KLHDC7B: variants seen among roughly 807,000 people sequenced by gnomAD.
KLHDC7B encodes the protein kelch domain containing 7B, also known as kelch domain-containing protein 7B.
In KLHDC7B, 1 loss-of-function variant was observed where a neutral mutation model predicts 0.6. That is an observed-to-expected ratio of 1.71 (90% CI 0.61 to 8.11). KLHDC7B has a LOEUF of 8.11. Among genes scored for constraint, KLHDC7B ranks in the 30% most tolerant of loss-of-function variants. KLHDC7B has a pLI of 0.13. For synonymous variants in KLHDC7B, 462 were observed against 405.2 expected, an observed-to-expected ratio of 1.14 and a Z score of -1.68; for missense variants, 993 against 894.9, an observed-to-expected ratio of 1.11 and a Z score of -1.40.
Position 50,547,418 on chromosome 22 carries a change from C to T in KLHDC7B, c.1175C>T (p.Thr392Ile), listed in dbSNP as rs2069743025. 7 of 366,538 alleles carry T rather than the reference C, an allele frequency of 1.9e-5. 1 individual carries two copies. In the East Asian group the frequency reaches 2.0e-4, roughly 10 times the overall value. The allele number at this position is 366,538 out of a possible 1,614,324, so 22.7% of individuals were successfully genotyped here. A position where few individuals can be genotyped will look rare whatever the true frequency, so the allele number is the denominator to read the frequency against. Residue 392 changes from threonine (T) to isoleucine (I), a missense_variant, in exon 1 of 1, where the codon ACC (threonine) becomes ATC (isoleucine). Thr to Ile is a moderately conservative substitution (Grantham distance 89, BLOSUM62 -1). Transcript: ENST00000648057. ...AGTCCTGCCGCTGACCTGGGGCCCA[C>T]CCGGCCCCCGGAGCAAGCAAAGCCG... ...DNSPAADLGPTRPPEQAKPAA... is the reference protein window; with the variant it reads ...DNSPAADLGPIRPPEQAKPAA...
At position 50,548,225 on chromosome 22, in the gene KLHDC7B, G is replaced by A; in HGVS notation, c.1982G>A (p.Arg661Lys). 1 of 1,550,228 alleles carries A rather than the reference G, an allele frequency of 6.5e-7. No individual in the cohort carries two copies. The highest frequency in any genetic ancestry group is 1.2e-5 in the South Asian group (1 of 83,986). Reference protein sequence around the residue: ...RQDRPQGSVPRAVPGSPVGPS... With the variant: ...RQDRPQGSVPKAVPGSPVGPS... ...GACAGGCCCCAAGGGAGTGTCCCGAGGGCGGTTCCCGGGAGCCCCGTGGGT... is the reference window on the plus strand; with the variant it reads ...GACAGGCCCCAAGGGAGTGTCCCGAAGGCGGTTCCCGGGAGCCCCGTGGGT... The change falls in exon 1 of 1, where the codon AGG (arginine) becomes AAG (lysine). Residue 661 changes from arginine (R) to lysine (K), a missense_variant. Transcript: ENST00000648057. The surrounding 1 kb of genome is among the most constrained non-coding windows in gnomAD (Gnocchi z 5.3).
Position 50,548,842 on chromosome 22 carries a change from G to T in KLHDC7B, c.2599G>T (p.Val867Leu), listed in dbSNP as rs370199240. 9.1e-6 allele frequency: 14 copies of T among 1,546,862 alleles called. No homozygotes were observed. The highest frequency in any genetic ancestry group is 6.9e-5 in the African/African-American group (5 of 72,180). ...GCTGGACCTGGGCAGTTGCCTGGAC[G>T]TGCTGGCCTTTGCCCAGCAGCACGG... ...RRLDLGSCLD[V>L]LAFAQQHGEP... The change falls in exon 1 of 1, where the codon GTG (valine) becomes TTG (leucine). Residue 867 changes from valine to leucine, a missense_variant. Transcript: ENST00000648057. This position sits in a 1 kb window ranked among gnomAD's most constrained non-coding sequence, Gnocchi z 5.3.
Position 50,546,923 on chromosome 22 carries a change from G to T in KLHDC7B, c.680G>T (p.Gly227Val), listed in dbSNP as rs1350109432. The change falls in exon 1 of 1, where the codon GGC becomes GTC. Residue 227 changes from glycine (G) to valine (V), a missense_variant. Physicochemically the swap from Gly to Val is moderately radical, Grantham distance 109. Transcript: ENST00000648057. ...GAGPSGSMGR[G>V]RGRRRRMDAG... The stretch of plus-strand genomic sequence containing the variant: ...GGGCCCTCGGGCTCGATGGGGAGAG[G>T]CCGGGGCCGGCGGCGGCGGATGGAC... Among the ~76,000 whole-genome samples, 19 of 152,050 alleles carry T rather than the reference G, an allele frequency of 1.2e-4. No homozygotes were observed. In the East Asian group the frequency reaches 3.7e-3, roughly 29 times the overall value.
Position 50,548,741 on chromosome 22 carries a change from G to A in KLHDC7B, c.575G>A (p.Trp192Ter). 6.8e-7 allele frequency: 1 copy of A among 1,463,546 alleles called. No individual in the cohort carries two copies. Among genetic ancestry groups the A allele is most frequent in the Admixed American group, 2.6e-5 (1 of 37,782 alleles). 90.7% of individuals were successfully genotyped at this position (1,463,546 alleles called of 1,614,324 possible). A position where few individuals can be genotyped will look rare whatever the true frequency, so the allele number is the denominator to read the frequency against. ...GTGTTTCTGCAGAGGCCCGGGGGTT[G>A]GGGGGTGGTGGAGGGGCCCCGGAAG... Residue 192 changes from tryptophan to a stop codon, truncating the protein, a stop_gained, in exon 1 of 1, where the codon TGG (tryptophan) becomes TAG (stop). Coordinates refer to the KLHDC7B transcript ENST00000395676. LOFTEE classifies it low-confidence loss of function (END_TRUNC). The surrounding 1 kb of genome is among the most constrained non-coding windows in gnomAD (Gnocchi z 5.3).
At position 50,550,617 on chromosome 22, in the gene KLHDC7B, G is replaced by A. The variant is rs376907241; in HGVS notation, c.*666G>A. 48 of 163,652 alleles carry A rather than the reference G, an allele frequency of 2.9e-4. No individual in the cohort carries two copies. In the South Asian group the frequency reaches 9.8e-3, roughly 34 times the overall value. 10.1% of individuals were successfully genotyped at this position (163,652 alleles called of 1,614,324 possible). On this transcript the variant is annotated 3_prime_UTR_variant, in exon 1 of 1. Coordinates refer to ENST00000648057, the MANE Select transcript of KLHDC7B (RefSeq NM_138433.5). ...TCTGCAGCCTTGTGGGGCTCTCCCA[G>A]CCCCTCCAGAAGCCCACCCCACTTC...
chr22:50,549,676 G>C lies in KLHDC7B; in HGVS notation c.3433G>C (p.Val1145Leu), dbSNP rs36062310. Reference protein sequence around the residue: ...FLYRFDLLRGVGAAVMRYNTV... With the variant: ...FLYRFDLLRGLGAAVMRYNTV... ...GTACCGCTTCGACCTGCTGCGGGGC[G>C]TGGGCGCCGCCGTGATGCGCTACAA... Residue 1145 changes from valine (V) to leucine (L), a missense_variant, in exon 1 of 1, where the codon GTG (valine) becomes CTG (leucine). Physicochemically the swap from Val to Leu is conservative, Grantham distance 32 (BLOSUM62 1). Transcript: ENST00000648057. 1 of 1,553,884 alleles carries C rather than the reference G, an allele frequency of 6.4e-7. No individual in the cohort carries two copies. The highest frequency in any genetic ancestry group is 1.4e-5 in the African/African-American group (1 of 73,726).
rs1603442573 is a variant in KLHDC7B at position 50,547,598 on chromosome 22, C to T, written c.1355C>T (p.Pro452Leu). The T allele has an allele frequency of 2.5e-6, 1 of 402,452 alleles. No homozygotes were observed. The highest frequency in any genetic ancestry group is 4.4e-6 in the Non-Finnish European group (1 of 228,298). The allele number at this position is 402,452 out of a possible 1,614,324, so 24.9% of individuals were successfully genotyped here. Residue 452 changes from proline to leucine, a missense_variant, in exon 1 of 1, where the codon CCT becomes CTT. Coordinates refer to ENST00000648057, the MANE Select transcript of KLHDC7B (RefSeq NM_138433.5). ...DFLPLEVTQD[P>L]SVGENLRAAP... ...TTGCCCCTGGAGGTTACCCAGGATC[C>T]TTCCGTGGGCGAAAATCTCAGAGCG...
Position 50,547,773 on chromosome 22 carries a change from A to G in KLHDC7B, c.1530A>G (p.Pro510=). Residue 510 remains proline (P), a synonymous_variant, in exon 1 of 1, where the codon CCA becomes CCG. Coordinates refer to ENST00000648057, the MANE Select transcript of KLHDC7B (RefSeq NM_138433.5). ...SSPTSAPAPA[P]TSAPTSTPAP... is the part of the protein sequence containing the mutation. The stretch of plus-strand genomic sequence containing the variant: ...CCACCTCAGCCCCAGCCCCAGCTCC[A>G]ACCTCAGCTCCAACTTCAACCCCAG... 2.2e-6 allele frequency: 1 copy of G among 462,830 alleles called. No individual in the cohort carries two copies. The highest frequency in any genetic ancestry group is 3.9e-5 in the South Asian group (1 of 25,826). The allele number at this position is 462,830 out of a possible 1,614,324, so 28.7% of individuals were successfully genotyped here.
rs2069779960 is a variant in KLHDC7B at position 50,549,535 on chromosome 22, G to T, written c.3292G>T (p.Gly1098Cys). ...CCGTGGGGACATCTACGTCACCGGG[G>T]GTCACCTCTTCTACCGCCTGCTCAG... is the stretch of plus-strand genomic sequence containing the variant. Reference protein sequence around the residue: ...ACRGDIYVTGGHLFYRLLRYS... With the variant: ...ACRGDIYVTGCHLFYRLLRYS... The change falls in exon 1 of 1, where the codon GGT (glycine) becomes TGT (cysteine). Residue 1098 changes from glycine to cysteine, a missense_variant. Gly to Cys is a radical substitution (Grantham distance 159). Transcript: ENST00000648057. 6.2e-6 allele frequency: 10 copies of T among 1,605,210 alleles called. No homozygotes were observed. Among genetic ancestry groups the T allele is most frequent in the African/African-American group, 1.3e-5 (1 of 74,798 alleles).
rs1459239301 is a variant in KLHDC7B at position 50,548,399 on chromosome 22, C to A, written c.2156C>A (p.Pro719His). 2 of 1,556,806 alleles carry A rather than the reference C, an allele frequency of 1.3e-6. No individual in the cohort carries two copies. Among genetic ancestry groups the A allele is most frequent in the Non-Finnish European group, 1.7e-6 (2 of 1,149,988 alleles). ...ACCAACGGATCGCCCAGCCCAGACC[C>A]TCCCCCAGGCCTAAGAGGAGAGGGA... ...SETNGSPSPD[P>H]PPGLRGEGTR... Residue 719 changes from proline (P) to histidine (H), a missense_variant, in exon 1 of 1, where the codon CCT becomes CAT. Physicochemically the swap from Pro to His is moderately conservative, Grantham distance 77. Transcript: ENST00000648057. The surrounding 1 kb of genome is among the most constrained non-coding windows in gnomAD (Gnocchi z 5.3).
In KLHDC7B at chr22:50,549,144, C is replaced by T. The variant is rs760543971; in HGVS notation, c.2901C>T (p.Asn967=). 3.6e-5 allele frequency: 57 copies of T among 1,603,594 alleles called. No individual in the cohort carries two copies. Among genetic ancestry groups the T allele is most frequent in the Admixed American group, 3.3e-5 (2 of 59,978 alleles). Reference sequence around the variant, plus strand: ...TACCTGCGCACCTGCATGTGTTCAACCCCCGGGAGAACACCTGGCGGCCCC... The same window carrying T: ...TACCTGCGCACCTGCATGTGTTCAATCCCCGGGAGAACACCTGGCGGCCCC... ...LPLPAHLHVF[N]PRENTWRPLT... is the part of the protein sequence containing the mutation. The change falls in exon 1 of 1, where the codon AAC becomes AAT. Residue 967 remains asparagine (N), a synonymous_variant. Transcript: ENST00000648057.
rs1275251062 is a variant in KLHDC7B at position 50,549,392 on chromosome 22, C to T, written c.3149C>T (p.Ala1050Val). ...KLVALDGLLYAIGGECLYSME... is the reference protein window; with the variant it reads ...KLVALDGLLYVIGGECLYSME... The stretch of plus-strand genomic sequence containing the variant: ...GTGGCCCTGGACGGGCTGCTCTATG[C>T]CATCGGTGGCGAATGCCTGTACAGC... Residue 1050 changes from alanine to valine, a missense_variant, in exon 1 of 1, where the codon GCC (alanine) becomes GTC (valine). Coordinates refer to ENST00000648057, the MANE Select transcript of KLHDC7B (RefSeq NM_138433.5). The T allele has an allele frequency of 1.2e-6, 2 of 1,612,690 alleles. No individual in the cohort carries two copies. The highest frequency in any genetic ancestry group is 1.7e-6 in the Non-Finnish European group (2 of 1,179,930).
Position 50,548,195 on chromosome 22 carries a change from G to C in KLHDC7B, c.1952G>C (p.Arg651Thr). Residue 651 changes from arginine to threonine, a missense_variant, in exon 1 of 1, where the codon AGG (arginine) becomes ACG (threonine). By Grantham distance (71) the Arg-to-Thr change is moderately conservative (BLOSUM62 -1). Coordinates refer to ENST00000648057, the MANE Select transcript of KLHDC7B (RefSeq NM_138433.5). This position sits in a 1 kb window ranked among gnomAD's most constrained non-coding sequence, Gnocchi z 5.3. ...AMVLRSHPFP[R>T]QDRPQGSVPR... is the part of the protein sequence containing the mutation. ...GTTCTTAGAAGCCACCCCTTCCCCAGGCAAGACAGGCCCCAAGGGAGTGTC... is the reference window on the plus strand; with the variant it reads ...GTTCTTAGAAGCCACCCCTTCCCCACGCAAGACAGGCCCCAAGGGAGTGTC... 6.5e-7 allele frequency: 1 copy of C among 1,533,230 alleles called. No homozygotes were observed. Among genetic ancestry groups the C allele is most frequent in the Non-Finnish European group, 8.8e-7 (1 of 1,134,938 alleles). 95.0% of individuals were successfully genotyped at this position (1,533,230 alleles called of 1,614,324 possible). A position where few individuals can be genotyped will look rare whatever the true frequency, so the allele number is the denominator to read the frequency against.
Position 50,548,462 on chromosome 22 carries a change from C to T in KLHDC7B, c.2219C>T (p.Ala740Val). 1 of 1,579,602 alleles carries T rather than the reference C, an allele frequency of 6.3e-7. No individual in the cohort carries two copies. Among genetic ancestry groups the T allele is most frequent in the South Asian group, 1.2e-5 (1 of 86,798 alleles). The change falls in exon 1 of 1, where the codon GCG (alanine) becomes GTG (valine). Residue 740 changes from alanine (A) to valine (V), a missense_variant. Ala to Val is a moderately conservative substitution (Grantham distance 64, BLOSUM62 0). Coordinates refer to ENST00000648057, the MANE Select transcript of KLHDC7B (RefSeq NM_138433.5). The surrounding 1 kb of genome is among the most constrained non-coding windows in gnomAD (Gnocchi z 5.3). ...EKSLDPLPQA[A>V]MPRGPAQPPA... ...AGTCTAGACCCGCTGCCCCAAGCCG[C>T]GATGCCCAGGGGCCCCGCACAGCCC...
Position 50,548,024 on chromosome 22 carries a change from C to T in KLHDC7B, c.1781C>T (p.Ala594Val), listed in dbSNP as rs2069752700. The change falls in exon 1 of 1, where the codon GCC (alanine) becomes GTC (valine). Residue 594 changes from alanine (A) to valine (V), a missense_variant. Coordinates refer to ENST00000648057, the MANE Select transcript of KLHDC7B (RefSeq NM_138433.5). The surrounding 1 kb of genome is among the most constrained non-coding windows in gnomAD (Gnocchi z 5.3). ...TPAPTPAASP[A>V]PAPTSAPTPT... ...GCCCCAACCCCAGCCGCATCCCCTG[C>T]CCCAGCCCCCACCTCAGCCCCAACC... 1 of 499,052 alleles carries T rather than the reference C, an allele frequency of 2.0e-6. No homozygotes were observed. Among genetic ancestry groups the T allele is most frequent in the Non-Finnish European group, 3.0e-6 (1 of 330,890 alleles). 30.9% of individuals were successfully genotyped at this position (499,052 alleles called of 1,614,324 possible).
At position 50,548,733 on chromosome 22, in the gene KLHDC7B, C is replaced by T. The variant is rs1280598172; in HGVS notation, c.2490C>T (p.Pro830=). The change falls in exon 1 of 1, where the codon CCC becomes CCT. Residue 830 remains proline, a synonymous_variant. Transcript: ENST00000648057. This position sits in a 1 kb window ranked among gnomAD's most constrained non-coding sequence, Gnocchi z 5.3. ...ARKLMVFLQR[P]GGWGVVEGPR... is the part of the protein sequence containing the mutation. ...AGCTCATGGTGTTTCTGCAGAGGCC[C>T]GGGGGTTGGGGGGTGGTGGAGGGGC... is the stretch of plus-strand genomic sequence containing the variant. The T allele has an allele frequency of 8.8e-6, 13 of 1,476,146 alleles. No homozygotes were observed. The highest frequency in any genetic ancestry group is 2.5e-5 in the Admixed American group (1 of 40,524). The allele number at this position is 1,476,146 out of a possible 1,614,324, so 91.4% of individuals were successfully genotyped here.
rs530293919 is a variant in KLHDC7B at position 50,547,036 on chromosome 22, G to A, written c.793G>A (p.Gly265Arg). The change falls in exon 1 of 1, where the codon GGG becomes AGG. Residue 265 changes from glycine to arginine, a missense_variant. Transcript: ENST00000648057. ...AAGSVWDAVD[G>R]AAALDAHARG... ...GGGGAGCGTGTGGGACGCGGTGGAC[G>A]GGGCCGCCGCCCTGGACGCCCACGC... Among the ~76,000 whole-genome samples the A allele has an allele frequency of 3.5e-3, 538 of 151,560 alleles. 1 individual carries two copies. The highest frequency in any genetic ancestry group is 5.7e-3 in the Non-Finnish European group (383 of 67,732).
rs775468484 is a variant in KLHDC7B, at chr22:50,548,434, A to G, written c.2191A>G (p.Lys731Glu). 2.1e-5 allele frequency: 33 copies of G among 1,578,108 alleles called. No individual in the cohort carries two copies. The highest frequency in any genetic ancestry group is 2.7e-5 in the Non-Finnish European group (31 of 1,162,548). The change falls in exon 1 of 1, where the codon AAA becomes GAA. Residue 731 changes from lysine to glutamate, a missense_variant. Lys to Glu is a moderately conservative substitution (Grantham distance 56, BLOSUM62 1). Coordinates refer to ENST00000648057, the MANE Select transcript of KLHDC7B (RefSeq NM_138433.5). This position sits in a 1 kb window ranked among gnomAD's most constrained non-coding sequence, Gnocchi z 5.3. Reference protein sequence around the residue: ...PGLRGEGTREKSLDPLPQAAM... With the variant: ...PGLRGEGTREESLDPLPQAAM... ...CCTAAGAGGAGAGGGAACCAGGGAG[A>G]AAAGTCTAGACCCGCTGCCCCAAGC...
rs1369997110 is a variant in KLHDC7B, at chr22:50,549,645, C to T, written c.3402C>T (p.Gly1134=). The change falls in exon 1 of 1, where the codon GGC becomes GGT. Residue 1134 remains glycine, a synonymous_variant. Coordinates refer to ENST00000648057, the MANE Select transcript of KLHDC7B (RefSeq NM_138433.5). ...CCAGCGACATCGTGGCACTGGGGGG[C>T]TTCCTGTACCGCTTCGACCTGCTGC... ...RRSSDIVALG[G]FLYRFDLLRG... The T allele has an allele frequency of 3.9e-6, 6 of 1,555,842 alleles. No individual in the cohort carries two copies. The Admixed American group carries it at 9.1e-5, about 23-fold the overall frequency.
Sources: allele counts gnomAD v4.1 joint callset (sites outside exome capture counted in the v4.1 genomes callset), GRCh38; gene constraint gnomAD v4.1.1; non-coding constraint Gnocchi (gnomAD v3.1); transcripts MANE v1.5; gene names NCBI Gene and HGNC (gene_info 2026-07-23, HGNC 2026-07-21).